The following NXN variants were observed in gnomAD, a reference collection of about 807,000 sequenced individuals.
The protein encoded by NXN is nucleoredoxin, also known as nucleoredoxin 1.
In NXN, 16 loss-of-function variants were observed where a neutral mutation model predicts 48.6. That is an observed-to-expected ratio of 0.33 (90% confidence interval 0.22 to 0.50). The LOEUF (loss-of-function observed/expected upper bound fraction) is 0.50, where lower values mean the gene tolerates loss of function less well. Among genes scored for constraint, NXN ranks in the 20% least tolerant of loss-of-function variants. NXN has a pLI of 0.98. For missense variants in NXN, 492 were observed against 605.5 expected (o/e 0.81, Z 1.97); for synonymous variants, 281 against 269.6 (o/e 1.04, Z -0.41).
chr17:834,712 GT>G (rs1295672824), intron 1 of NXN, among the ~76,000 whole-genome samples: 1 of 151,758 alleles, frequency 6.6e-6, no homozygotes, highest in South Asian at 2.1e-4. Context: ...TAGAGATGGG[GT>G]TTCACCACGT....
rs576474236 is a variant in NXN, at chr17:919,220, G to A, written c.360+60099C>T. Among the ~76,000 whole-genome samples, 12 of 151,896 alleles carry A rather than the reference G, an allele frequency of 7.9e-5. No homozygotes were observed. In the East Asian group the frequency reaches 1.6e-3, roughly 20 times the overall value. On this transcript the variant is annotated intron_variant, in intron 1 of 7. Transcript: ENST00000336868. The surrounding 1 kb of genome is among the most constrained non-coding windows in gnomAD (Gnocchi z 5.1). The stretch of plus-strand genomic sequence containing the variant: ...TCTACTACAAATACAAAAATCAGCC[G>A]GGCGTCATGGCGGGCACCTGTAGTC...
chr17:831,880 G>A (rs1285618240), intron 1 of NXN, among the ~76,000 whole-genome samples: 5 of 130,716 alleles, frequency 3.8e-5, no homozygotes, highest in Admixed American at 3.1e-4. Flanking sequence ...TATATTTCAT[G>A]AGTGTCCAGT....
chr17:808,371 C>T (rs372063027), intron 5 of NXN, among the ~76,000 whole-genome samples: 4 of 151,192 alleles, frequency 2.6e-5, no homozygotes, highest in Admixed American at 2.0e-4. Context: ...GGCGCGATCT[C>T]GGCTCACTGC....
At chr17:842,003 G>A (rs1914352426) in intron 1 of NXN, among the ~76,000 whole-genome samples, 1 of 152,096 alleles carries the variant, frequency 6.6e-6, no homozygotes, top group South Asian at 2.1e-4. Flanking sequence ...GGGTGTGGTG[G>A]CGCATGTCTG....
chr17:973,703 G>A (rs186467916), intron 1 of NXN, among the ~76,000 whole-genome samples: 51 of 151,370 alleles, frequency 3.4e-4, no homozygotes, highest in Middle Eastern at 3.4e-3. Context: ...TTTCCAAGAC[G>A]GAGTCTTGCT....
chr17:867,705 C>T (rs533233069), intron 1 of NXN, among the ~76,000 whole-genome samples: 2 of 152,218 alleles, frequency 1.3e-5, no homozygotes, highest in African/African-American at 4.8e-5. Context: ...GCAGGTGGAA[C>T]ACCTGAGGTC....
intron 1 of NXN, among the ~76,000 whole-genome samples, chr17:953,726 A>G (rs903317955): frequency 6.6e-6 from 1 of 152,194 alleles, no homozygotes; most frequent in African/African-American, 2.4e-5. Flanking sequence ...GCTTGAGCCC[A>G]GGAGTTCAAG....
chr17:800,725 G>A lies in NXN; in HGVS notation c.*224C>T, dbSNP rs1262295346. On this transcript the variant is annotated 3_prime_UTR_variant, in exon 8 of 8. Transcript: ENST00000336868. ...CTCTGGCCGGGCCCCCGGCCATCCCGTGCTCCCAAACAGAGTCTCCAAACA... is the reference window on the plus strand; with the variant it reads ...CTCTGGCCGGGCCCCCGGCCATCCCATGCTCCCAAACAGAGTCTCCAAACA... The A allele has an allele frequency of 1.6e-5, 6 of 375,018 alleles. No individual in the cohort carries two copies. Among genetic ancestry groups the A allele is most frequent in the South Asian group, 1.3e-4 (1 of 7,730 alleles). The allele number at this position is 375,018 out of a possible 1,614,324, so 23.2% of individuals were successfully genotyped here.
intron 1 of NXN, among the ~76,000 whole-genome samples, chr17:954,072 G>A (rs928870936): frequency 1.3e-5 from 2 of 152,240 alleles, no homozygotes; most frequent in East Asian, 3.9e-4. Context: ...TGAATAACTG[G>A]CATTAGACAC....
intron 1 of NXN, among the ~76,000 whole-genome samples, chr17:832,774 CAG>C (rs1913558997): frequency 6.6e-6 from 1 of 152,088 alleles, no homozygotes; most frequent in African/African-American, 2.4e-5. Flanking sequence ...GGTTGCATCT[CAG>C]GAGCACAGGA....
chr17:948,727 G>T (rs773077195), intron 1 of NXN, among the ~76,000 whole-genome samples: 1 of 151,630 alleles, frequency 6.6e-6, no homozygotes, highest in Non-Finnish European at 1.5e-5. Flanking sequence ...CCGCCCCAGC[G>T]CTCGGAGGCT....
intron 1 of NXN, among the ~76,000 whole-genome samples, chr17:953,285 C>T (rs181993514): frequency 6.6e-6 from 1 of 152,072 alleles, no homozygotes; most frequent in Non-Finnish European, 1.5e-5. Context: ...CATGGTGGCT[C>T]ACGCCTGTAA....
intron 1 of NXN, among the ~76,000 whole-genome samples, chr17:864,576 G>C (rs1597674637): frequency 6.6e-6 from 1 of 152,308 alleles, no homozygotes; most frequent in East Asian, 1.9e-4. Flanking sequence ...ACATGAGTGT[G>C]AGGCTTTGCA....
chr17:915,629 G>C (rs1567861138), intron 1 of NXN, among the ~76,000 whole-genome samples: 1 of 152,304 alleles, frequency 6.6e-6, no homozygotes, highest in East Asian at 1.9e-4. Context: ...GAGAATGAAT[G>C]AGTACATAGT....
chr17:870,574 C>T (rs954349429), intron 1 of NXN, among the ~76,000 whole-genome samples: 2 of 151,464 alleles, frequency 1.3e-5, no homozygotes, highest in African/African-American at 4.8e-5. Flanking sequence ...GACACCCTGT[C>T]TCTACAAAAA....
intron 1 of NXN, among the ~76,000 whole-genome samples, chr17:874,835 C>T (rs2068196932): frequency 6.6e-6 from 1 of 152,238 alleles, no homozygotes; most frequent in African/African-American, 2.4e-5. Context: ...CCAGTCACTA[C>T]TGCACACTCC....
At chr17:893,814 ATCTC>A (rs2068450164) in intron 1 of NXN, among the ~76,000 whole-genome samples, 6 of 52,016 alleles carry the variant, frequency 1.2e-4, no homozygotes, top group East Asian at 4.1e-4. Context: ...CAGAGGAAGC[ATCTC>A]AACTCCCTGG....
chr17:837,794 T>G (rs1447485344), intron 1 of NXN, among the ~76,000 whole-genome samples: 1 of 151,964 alleles, frequency 6.6e-6, no homozygotes, highest in Non-Finnish European at 1.5e-5. Context: ...GGGCCGGGGG[T>G]CCGGGCCAGG....
At chr17:820,936 A>C (rs558204358) in intron 4 of NXN, among the ~76,000 whole-genome samples, 1,770 of 68,744 alleles carry the variant, frequency 0.026, 652 homozygotes, top group Middle Eastern at 0.066. Flanking sequence ...AAAAAAAAAA[A>C]AAACAAAAAA....
Sources: gnomAD v4.1 joint callset for allele counts (sites outside exome capture counted in the v4.1 genomes callset) on GRCh38, gnomAD v4.1.1 for gene constraint, Gnocchi (gnomAD v3.1) non-coding constraint, MANE v1.5 for transcripts, NCBI Gene and HGNC (gene_info 2026-07-23, HGNC 2026-07-21) for gene names.